SNX29: variants seen among roughly 807,000 people sequenced by gnomAD.
The protein encoded by SNX29 is sorting nexin-29.
Under a neutral mutation model 102.1 loss-of-function variants are expected in SNX29, and 78 were observed. The ratio of observed to expected loss-of-function variants is 0.76; its 90% CI spans 0.64 to 0.92. SNX29 has a LOEUF of 0.92. Among genes scored for constraint, SNX29 ranks in the 40% least tolerant of loss-of-function variants. The pLI is 0.00. For missense variants in SNX29, 1,280 were observed against 1,061.7 expected, an observed-to-expected ratio of 1.21 and a Z score of -2.86; for synonymous variants, 580 against 414.5, an observed-to-expected ratio of 1.40 and a Z score of -4.85.
At chr16:12,519,157 G>T (rs1191998345) in intron 19 of SNX29, among the ~76,000 whole-genome samples, 2 of 152,170 alleles carry the variant, frequency 1.3e-5, no homozygotes, top group African/African-American at 4.8e-5. Flanking sequence ...GTTTTATGCA[G>T]AAATCTCCCG....
At position 12,571,870 on chromosome 16, in the gene SNX29, A is replaced by T; in HGVS notation, c.*3241A>T. On this transcript the variant is annotated 3_prime_UTR_variant, in exon 21 of 21. Coordinates refer to ENST00000566228, the MANE Select transcript of SNX29 (RefSeq NM_032167.5). ...AATCACGTTGCTGGCAAGGCATTTTAGAGTTTGGAGCTGAGGTTCAAAGCC... is the reference window on the plus strand; with the variant it reads ...AATCACGTTGCTGGCAAGGCATTTTTGAGTTTGGAGCTGAGGTTCAAAGCC... The T allele has an allele frequency of 8.5e-6, 9 of 1,061,196 alleles. No homozygotes were observed. The highest frequency in any genetic ancestry group is 1.0e-5 in the Non-Finnish European group (9 of 876,620). The allele number at this position is 1,061,196 out of a possible 1,614,324, so 65.7% of individuals were successfully genotyped here. A position where few individuals can be genotyped will look rare whatever the true frequency, so the allele number is the denominator to read the frequency against.
intron 14 of SNX29, among the ~76,000 whole-genome samples, chr16:12,204,263 C>T (rs1404948872): frequency 2.0e-5 from 3 of 152,186 alleles, no homozygotes; most frequent in Non-Finnish European, 2.9e-5. Context: ...GTCATTCCGC[C>T]AGCCTCCCCT....
chr16:12,559,043 C>T (rs1325268460), intron 20 of SNX29, among the ~76,000 whole-genome samples: 3 of 152,152 alleles, frequency 2.0e-5, no homozygotes, highest in African/African-American at 4.8e-5. Flanking sequence ...TAAATTCACA[C>T]ATCGTAACTG....
intron 18 of SNX29, among the ~76,000 whole-genome samples, chr16:12,460,304 A>C (rs2086724971): frequency 6.6e-6 from 1 of 152,220 alleles, no homozygotes; most frequent in Non-Finnish European, 1.5e-5. Context: ...TGATTTCTTT[A>C]GTATTTTCAG....
intron 20 of SNX29, among the ~76,000 whole-genome samples, chr16:12,562,548 T>G (rs2078786926): frequency 6.6e-6 from 1 of 152,182 alleles, no homozygotes; most frequent in African/African-American, 2.4e-5. Context: ...AGGAGTCATC[T>G]AAGACACTGT....
At position 12,316,403 on chromosome 16, in the gene SNX29, C is replaced by T. The variant is rs142113965; in HGVS notation, c.1782+38367C>T. Among the ~76,000 whole-genome samples the T allele has an allele frequency of 6.8e-4, 103 of 152,174 alleles. 2 individuals are homozygous for T. The East Asian group carries it at 0.014, about 21-fold the overall frequency. ...ATTAAAAATACAAAAATTAGCTGGG[C>T]GTGGTGGCAGGCACCTGTAATCCCT... On this transcript the variant is annotated intron_variant, in intron 15 of 20. Coordinates refer to ENST00000566228, the MANE Select transcript of SNX29 (RefSeq NM_032167.5).
intron 16 of SNX29, among the ~76,000 whole-genome samples, chr16:12,367,999 C>T (rs1012966880): frequency 2.0e-5 from 3 of 152,220 alleles, no homozygotes; most frequent in African/African-American, 7.2e-5. Context: ...GCTGTGTTTT[C>T]CTGACCATGG....
chr16:12,562,021 C>T (rs1159956729), intron 20 of SNX29, among the ~76,000 whole-genome samples: 2 of 152,096 alleles, frequency 1.3e-5, no homozygotes, highest in East Asian at 1.9e-4. Flanking sequence ...GAGGCCTGGC[C>T]CCTCATGGAT....
chr16:12,529,916 C>G lies in SNX29; in HGVS notation c.2318+5075C>G, dbSNP rs144053211. ...TGGACTGGCCAGAACCTTCCAGACT[C>G]CAAAGTCCTCAGCGTTACCCAGTTG... On this transcript the variant is annotated intron_variant, in intron 20 of 20. Coordinates refer to ENST00000566228, the MANE Select transcript of SNX29 (RefSeq NM_032167.5). 4.1e-3 allele frequency among the ~76,000 whole-genome samples: 622 copies of G among 152,250 alleles called. 7 individuals carry two copies. In the Middle Eastern group the frequency reaches 0.048, roughly 12 times the overall value.
In SNX29 at chr16:12,552,211, G is replaced by A. The variant is rs191178509; in HGVS notation, c.2319-16295G>A. Among the ~76,000 whole-genome samples, 60 of 152,260 alleles carry A rather than the reference G, an allele frequency of 3.9e-4. 1 individual carries two copies. The East Asian group carries it at 8.1e-3, about 21-fold the overall frequency. On this transcript the variant is annotated intron_variant, in intron 20 of 20. Coordinates refer to ENST00000566228, the MANE Select transcript of SNX29 (RefSeq NM_032167.5). ...ACGGCAGATAAGGCAGGGGAGGGCC[G>A]TGGAGTCAGACATCCAGCACCATGC...
intron 14 of SNX29, among the ~76,000 whole-genome samples, chr16:12,240,472 T>A (rs927675289): frequency 6.6e-6 from 1 of 152,184 alleles, no homozygotes; most frequent in Non-Finnish European, 1.5e-5. Context: ...GTCAGTTTTT[T>A]AGTATTGAGT....
Position 12,078,877 on chromosome 16 carries a change from T to C in SNX29, c.1364T>C (p.Leu455Pro), listed in dbSNP as rs867672218. ...GGCCACGGAAGTCCTCTGAGCAGCCTGTTACCTTCTGCCTCAGTGCCAGAG... is the reference window on the plus strand; with the variant it reads ...GGCCACGGAAGTCCTCTGAGCAGCCCGTTACCTTCTGCCTCAGTGCCAGAG... ...SPGHGSPLSS[L>P]LPSASVPESM... Residue 455 changes from leucine (L) to proline (P), a missense_variant, in exon 11 of 21, where the codon CTG becomes CCG. Coordinates refer to ENST00000566228, the MANE Select transcript of SNX29 (RefSeq NM_032167.5). The C allele has an allele frequency of 1.2e-6, 2 of 1,606,802 alleles. No individual in the cohort carries two copies. The highest frequency in any genetic ancestry group is 3.4e-5 in the Admixed American group (2 of 58,928).
At chr16:12,305,035 G>C (rs2080295826) in intron 15 of SNX29, among the ~76,000 whole-genome samples, 1 of 152,200 alleles carries the variant, frequency 6.6e-6, no homozygotes, top group Non-Finnish European at 1.5e-5. Flanking sequence ...GGCAGTTAAA[G>C]AGCGTGCTGT....
At chr16:12,561,472 G>A (rs1423459449) in intron 20 of SNX29, among the ~76,000 whole-genome samples, 1 of 152,114 alleles carries the variant, frequency 6.6e-6, no homozygotes, top group Non-Finnish European at 1.5e-5. Flanking sequence ...CTAGTAAGTG[G>A]AGTATTGACC....
chr16:12,223,669 G>A (rs1164939282), intron 14 of SNX29, among the ~76,000 whole-genome samples: 1 of 152,188 alleles, frequency 6.6e-6, no homozygotes, highest in African/African-American at 2.4e-5. Flanking sequence ...AAATTCAGGT[G>A]AGAGTCATGT....
At position 12,570,809 on chromosome 16, in the gene SNX29, A is replaced by C. The variant is rs960105008; in HGVS notation, c.*2180A>C. On this transcript the variant is annotated 3_prime_UTR_variant, in exon 21 of 21. Transcript: ENST00000566228. ...AGTCCCCCATTGCTGAGAGATACTA[A>C]CCCGTGAGAAACAAGTATGCTCTCA... The C allele has an allele frequency of 1.0e-4, 24 of 232,364 alleles. No homozygotes were observed. Among genetic ancestry groups the C allele is most frequent in the African/African-American group, 5.1e-4 (23 of 45,378 alleles). 14.4% of individuals were successfully genotyped at this position (232,364 alleles called of 1,614,324 possible).
intron 3 of SNX29, among the ~76,000 whole-genome samples, chr16:12,014,802 T>C (rs2056794061): frequency 6.6e-6 from 1 of 151,724 alleles, no homozygotes; most frequent in African/African-American, 2.4e-5. Flanking sequence ...TAAAGATAGG[T>C]TATTTTTCCA....
intron 16 of SNX29, among the ~76,000 whole-genome samples, chr16:12,360,425 A>G (rs140337434): frequency 1.3e-5 from 2 of 152,130 alleles, no homozygotes; most frequent in African/African-American, 4.8e-5. Flanking sequence ...GATGTTTGTC[A>G]TGTTCCTCTG....
At chr16:12,068,711 A>C (rs2051152956) in intron 9 of SNX29, among the ~76,000 whole-genome samples, 1 of 151,952 alleles carries the variant, frequency 6.6e-6, no homozygotes, top group Non-Finnish European at 1.5e-5. Context: ...CGCCCAGCTA[A>C]TTTTTGTATT....
Sources: allele counts gnomAD v4.1 joint callset (sites outside exome capture counted in the v4.1 genomes callset), GRCh38; gene constraint gnomAD v4.1.1; transcripts MANE v1.5; gene names NCBI Gene and HGNC (gene_info 2026-07-23, HGNC 2026-07-21).